Variants in ARHGAP45 observed in about 807,000 individuals in gnomAD.
ARHGAP45 encodes the protein Rho GTPase activating protein 45.
ARHGAP45 carries 56 observed loss-of-function variants against 116.1 expected under a neutral mutation model. The ratio of observed to expected loss-of-function variants is 0.48; its 90% confidence interval spans 0.39 to 0.60. The LOEUF is 0.60. Among genes scored for constraint, ARHGAP45 ranks in the 20% least tolerant of loss-of-function variants. The pLI is 0.00. For missense variants in ARHGAP45, 1,622 were observed against 1,601.0 expected, an observed-to-expected ratio of 1.01 and a Z score of -0.22; for synonymous variants, 866 against 701.7, an observed-to-expected ratio of 1.23 and a Z score of -3.70.
intron 11 of ARHGAP45, among the ~76,000 whole-genome samples, chr19:1,079,111 T>C (rs1226039816): frequency 7.0e-6 from 1 of 143,574 alleles, no homozygotes; most frequent in Non-Finnish European, 1.5e-5. Context: ...ACCCGGGAGG[T>C]GGAGCTTGCA....
At chr19:1,079,208 TG>T (rs1213597269) in intron 11 of ARHGAP45, among the ~76,000 whole-genome samples, 2 of 143,418 alleles carry the variant, frequency 1.4e-5, no homozygotes, top group Non-Finnish European at 3.0e-5. Context: ...TTTATAAAGA[TG>T]GGGGTCTCAG....
chr19:1,079,173 C>G (rs2145059923), intron 11 of ARHGAP45, among the ~76,000 whole-genome samples: 1 of 128,362 alleles, frequency 7.8e-6, no homozygotes, highest in Middle Eastern at 4.7e-3. Flanking sequence ...GAACGAGACT[C>G]TGTCTCAAAA....
rs1043154345 is a variant in ARHGAP45 at position 1,071,090 on chromosome 19, C to T, written c.422-2059C>T. On this transcript the variant is annotated intron_variant, in intron 2 of 22. Coordinates refer to ENST00000313093, the MANE Select transcript of ARHGAP45 (RefSeq NM_012292.5). This position sits in a 1 kb window ranked among gnomAD's most constrained non-coding sequence, Gnocchi z 4.6. ...CAGGTCTGGGCCTCAGTTTCCCTGC[C>T]CGTCCTCGACCCTCCCCACCTCGAA... The T allele has an allele frequency of 1.5e-5, 14 of 950,382 alleles. No homozygotes were observed. The highest frequency in any genetic ancestry group is 1.8e-5 in the Non-Finnish European group (13 of 713,710). 58.9% of individuals were successfully genotyped at this position (950,382 alleles called of 1,614,324 possible).
upstream of ARHGAP45, chr19:1,066,136 C>T: frequency 6.5e-7 from 1 of 1,535,610 alleles, no homozygotes; most frequent in Non-Finnish European, 8.7e-7. Context: ...ATGTCCTGTG[C>T]CCCAGAGATC....
rs1460143499 is a variant in ARHGAP45 at position 1,081,670 on chromosome 19, C to T, written c.2311C>T (p.Pro771Ser). 1 of 1,585,210 alleles carries T rather than the reference C, an allele frequency of 6.3e-7. No individual in the cohort carries two copies. Among genetic ancestry groups the T allele is most frequent in the Non-Finnish European group, 8.6e-7 (1 of 1,166,414 alleles). Reference sequence around the variant, plus strand: ...CTTCAGCCACGCGGCCCGCAGCGCCCCCGACGGCGTGCCCTTCATCGTCAA... The same window carrying T: ...CTTCAGCCACGCGGCCCGCAGCGCCTCCGACGGCGTGCCCTTCATCGTCAA... ...QDFSHAARSA[P>S]DGVPFIVKKC... The change falls in exon 18 of 23, where the codon CCC becomes TCC. Residue 771 changes from proline to serine, a missense_variant. Pro to Ser is a moderately conservative substitution (Grantham distance 74). Around this residue, in one of 3 missense-constraint regions of ARHGAP45, gnomAD observed 1,334 missense variants for 1,263.8 expected, o/e 1.06. Transcript: ENST00000313093.
Position 1,081,622 on chromosome 19 carries a change from C to T in ARHGAP45, c.2263C>T (p.Arg755Cys). Reference sequence around the variant, plus strand: ...GTGCGGGCACAAGAAGCTGCAAGGCCGCCTGCAGCTGTTCGGCCAGGACTT... The same window carrying T: ...GTGCGGGCACAAGAAGCTGCAAGGCTGCCTGCAGCTGTTCGGCCAGGACTT... ...IQCGHKKLQG[R>C]LQLFGQDFSH... Residue 755 changes from arginine to cysteine, a missense_variant, in exon 18 of 23, where the codon CGC becomes TGC. By Grantham distance (180) the Arg-to-Cys change is radical. Around this residue, in one of 3 missense-constraint regions of ARHGAP45, gnomAD observed 1,334 missense variants for 1,263.8 expected, o/e 1.06. Coordinates refer to ENST00000313093, the MANE Select transcript of ARHGAP45 (RefSeq NM_012292.5). The T allele has an allele frequency of 6.4e-7, 1 of 1,561,680 alleles. No individual in the cohort carries two copies. The highest frequency in any genetic ancestry group is 8.7e-7 in the Non-Finnish European group (1 of 1,152,800).
Position 1,084,302 on chromosome 19 carries a change from CGGT to C in ARHGAP45, c.3024_3026del (p.Val1009del), listed in dbSNP as rs1568486354. The C allele has an allele frequency of 1.2e-6, 2 of 1,612,310 alleles. No individual in the cohort carries two copies. Among genetic ancestry groups the C allele is most frequent in the Non-Finnish European group, 1.7e-6 (2 of 1,179,350 alleles). Reference sequence around the variant, plus strand: ...GTGCCGTACCTGGAGGCGGGCGAGGCGGTGGTCTACCCGCTGCAGGAGGCGGCG... The same window carrying C: ...GTGCCGTACCTGGAGGCGGGCGAGGCGGTCTACCCGCTGCAGGAGGCGGCG... On this transcript the variant is annotated inframe_deletion, in exon 22 of 23. Coordinates refer to ENST00000313093, the MANE Select transcript of ARHGAP45 (RefSeq NM_012292.5).
intron 9 of ARHGAP45, 35 bp downstream of exon 9, chr19:1,074,759 G>T: frequency 6.3e-7 from 1 of 1,597,396 alleles, no homozygotes; most frequent in Non-Finnish European, 8.5e-7. Context: ...CTGGGCGGGG[G>T]TGTCACCGGG....
Position 1,077,969 on chromosome 19 carries a change from G to A in ARHGAP45, c.1298G>A (p.Ser433Asn), listed in dbSNP as rs1195802536. ...AAGGCGGAGGAGGAGCAGGCTGGCA[G>A]CGCGCCGGGAGCAGGCAGCACGGCC... ...VAKAEEEQAG[S>N]APGAGSTATK... Residue 433 changes from serine (S) to asparagine (N), a missense_variant, in exon 11 of 23, where the codon AGC becomes AAC. This residue lies in a region of ARHGAP45 where 1,334 missense variants were observed against 1,263.8 expected (regional missense o/e 1.06). Coordinates refer to ENST00000313093, the MANE Select transcript of ARHGAP45 (RefSeq NM_012292.5). 1.3e-6 allele frequency: 2 copies of A among 1,553,176 alleles called. No homozygotes were observed. Among genetic ancestry groups the A allele is most frequent in the East Asian group, 2.4e-5 (1 of 41,286 alleles).
Position 1,067,184 on chromosome 19 carries a change from G to A in ARHGAP45, c.-222G>A. ...TCGCGCCCACTCCGCAGAGCCGCAG[G>A]CTGAGGCCGGGAAGGGTCGGGGGCG... On this transcript the variant is annotated 5_prime_UTR_variant, in exon 1 of 23. Coordinates refer to ENST00000313093, the MANE Select transcript of ARHGAP45 (RefSeq NM_012292.5). The A allele has an allele frequency of 7.6e-7, 1 of 1,308,838 alleles. No individual in the cohort carries two copies. The highest frequency in any genetic ancestry group is 2.1e-5 in the South Asian group (1 of 47,360). The allele number at this position is 1,308,838 out of a possible 1,614,324, so 81.1% of individuals were successfully genotyped here.
Position 1,073,237 on chromosome 19 carries a change from GC to G in ARHGAP45, c.511del (p.Leu171Ter). The G allele has an allele frequency of 6.2e-7, 1 of 1,613,620 alleles. No individual in the cohort carries two copies. The highest frequency in any genetic ancestry group is 8.5e-7 in the Non-Finnish European group (1 of 1,180,014). On this transcript the variant is annotated frameshift_variant, in exon 3 of 23. Coordinates refer to ENST00000313093, the MANE Select transcript of ARHGAP45 (RefSeq NM_012292.5). LOFTEE classifies it high-confidence loss of function. ...MHQIISKYPL[L>X]NTVETLTAAG... ...ATCAGATCATCTCCAAGTACCCGCT[GC>G]TGAACACCGTGGAGACGCTCACCGC...
chr19:1,065,959 AGGGCC>A, upstream of ARHGAP45: 1 of 1,509,358 alleles, frequency 6.6e-7, no homozygotes. Context: ...AGCACAGGCC[AGGGCC>A]GGGCCAGAAG....
chr19:1,084,388 G>A (rs753834970), intron 22 of ARHGAP45, 42 bp downstream of exon 22: 17 of 1,504,302 alleles, frequency 1.1e-5, no homozygotes, highest in South Asian at 6.9e-5. Flanking sequence ...GGAGGCTGGC[G>A]TGTGCCACCC....
At chr19:1,085,180 G>A (rs1411314464) in intron 22 of ARHGAP45, among the ~76,000 whole-genome samples, 2 of 152,190 alleles carry the variant, frequency 1.3e-5, no homozygotes, top group Admixed American at 1.3e-4. Flanking sequence ...ATGGCAGAAA[G>A]CAAAGAGGAG....
chr19:1,081,629 A>G lies in ARHGAP45; in HGVS notation c.2270A>G (p.Gln757Arg). 1 of 1,570,078 alleles carries G rather than the reference A, an allele frequency of 6.4e-7. No homozygotes were observed. Among genetic ancestry groups the G allele is most frequent in the South Asian group, 1.2e-5 (1 of 86,356 alleles). ...CGHKKLQGRL[Q>R]LFGQDFSHAA... is the part of the protein sequence containing the mutation. ...CACAAGAAGCTGCAAGGCCGCCTGCAGCTGTTCGGCCAGGACTTCAGCCAC... is the reference window on the plus strand; with the variant it reads ...CACAAGAAGCTGCAAGGCCGCCTGCGGCTGTTCGGCCAGGACTTCAGCCAC... The change falls in exon 18 of 23, where the codon CAG becomes CGG. Residue 757 changes from glutamine (Q) to arginine (R), a missense_variant. This residue lies in a region of ARHGAP45 where 1,334 missense variants were observed against 1,263.8 expected (regional missense o/e 1.06). Transcript: ENST00000313093.
chr19:1,080,882 C>A lies in ARHGAP45; in HGVS notation c.2018-10C>A. ...GCCTTGGTGACACCGGCTGCCTGTG[C>A]TGCCCGCAGCTGACCTCAACGGCAT... On this transcript the variant is annotated splice_polypyrimidine_tract_variant and intron_variant, in intron 16 of 22. Coordinates refer to ENST00000313093, the MANE Select transcript of ARHGAP45 (RefSeq NM_012292.5). 6.2e-7 allele frequency: 1 copy of A among 1,606,486 alleles called. No homozygotes were observed. The highest frequency in any genetic ancestry group is 8.5e-7 in the Non-Finnish European group (1 of 1,176,296).
rs1360231247 is a variant in ARHGAP45, at chr19:1,071,201, G to A, written c.422-1948G>A. On this transcript the variant is annotated intron_variant, in intron 2 of 22. Transcript: ENST00000313093. The surrounding 1 kb of genome is among the most constrained non-coding windows in gnomAD (Gnocchi z 4.6). Reference sequence around the variant, plus strand: ...TCGCGGGGGCGGGGCCTCCTGACCGGCCGGAGCCGGTTTGGCCACCGGAGA... The same window carrying A: ...TCGCGGGGGCGGGGCCTCCTGACCGACCGGAGCCGGTTTGGCCACCGGAGA... 1 of 1,402,632 alleles carries A rather than the reference G, an allele frequency of 7.1e-7. No homozygotes were observed. The highest frequency in any genetic ancestry group is 1.4e-5 in the South Asian group (1 of 72,344). The allele number at this position is 1,402,632 out of a possible 1,614,324, so 86.9% of individuals were successfully genotyped here. A position where few individuals can be genotyped will look rare whatever the true frequency, so the allele number is the denominator to read the frequency against.
chr19:1,076,519 A>G (rs2043254516), intron 10 of ARHGAP45, among the ~76,000 whole-genome samples: 1 of 110,460 alleles, frequency 9.1e-6, no homozygotes, highest in African/African-American at 4.1e-5. Context: ...TTTTTGAGAC[A>G]AGAGCCTCAC....
rs1189507633 is a variant in ARHGAP45, at chr19:1,084,250, A to G, written c.2968A>G (p.Asn990Asp). ...ETPGGQDESS[N>D]QRAEVVVQVP... ...TCTGCACTTGCAGGACGAGTCATCC[A>G]ACCAGCGAGCTGAGGTAGTCGTCCA... is the stretch of plus-strand genomic sequence containing the variant. The change falls in exon 22 of 23, where the codon AAC (asparagine) becomes GAC (aspartate). Residue 990 changes from asparagine to aspartate, a missense_variant. This residue lies in a region of ARHGAP45 where 1,334 missense variants were observed against 1,263.8 expected (regional missense o/e 1.06). Coordinates refer to ENST00000313093, the MANE Select transcript of ARHGAP45 (RefSeq NM_012292.5). 6.2e-7 allele frequency: 1 copy of G among 1,613,574 alleles called. No homozygotes were observed.
Sources: gnomAD v4.1 joint callset for allele counts (sites outside exome capture counted in the v4.1 genomes callset) on GRCh38, gnomAD v4.1.1 for gene constraint, gnomAD v4.1.1 regional missense constraint, Gnocchi (gnomAD v3.1) non-coding constraint, MANE v1.5 for transcripts, NCBI Gene and HGNC (gene_info 2026-07-23, HGNC 2026-07-21) for gene names.